BEST2: variants seen among roughly 807,000 people sequenced by gnomAD.
BEST2 encodes bestrophin 2.
Under a neutral mutation model 49.0 loss-of-function variants are expected in BEST2, and 36 were observed. That is an observed-to-expected ratio of 0.73 (90% CI 0.56 to 0.97). The LOEUF (loss-of-function observed/expected upper bound fraction) is 0.97. Ranked by LOEUF, BEST2 falls within the 50% of genes least tolerant of loss-of-function variation. The pLI is 0.00. For missense variants in BEST2, 672 were observed against 710.0 expected, an observed-to-expected ratio of 0.95 and a Z score of 0.61; for synonymous variants, 335 against 304.4, an observed-to-expected ratio of 1.10 and a Z score of -1.05.
intron 8 of BEST2, 77 bp downstream of exon 8, chr19:12,756,012 T>G: frequency 6.3e-7 from 1 of 1,587,840 alleles, no homozygotes. Context: ...GTCCCACCCC[T>G]GCCAAGTCTT....
chr19:12,756,605 A>G (rs1002337576), intron 9 of BEST2: 52 of 336,774 alleles, frequency 1.5e-4, no homozygotes, highest in Non-Finnish European at 5.6e-6. Context: ...GTACTTTGGG[A>G]GGCTGAGGCA....
intron 9 of BEST2, among the ~76,000 whole-genome samples, 198 bp from the exon 10 acceptor site, chr19:12,757,453 G>A (rs867644707): frequency 1.3e-5 from 2 of 152,170 alleles, no homozygotes; most frequent in Non-Finnish European, 2.9e-5. Flanking sequence ...AGGAAATGGG[G>A]CTGAGCCACG....
intron 1 of BEST2, 44 bp from the exon 2 acceptor site, chr19:12,752,498 C>T (rs907721641): frequency 1.5e-6 from 2 of 1,335,924 alleles, no homozygotes; most frequent in Non-Finnish European, 2.1e-6. Context: ...TGGGTGGAAT[C>T]CCTGTGCTCA....
chr19:12,757,054 A>G (rs1219799016), intron 9 of BEST2, among the ~76,000 whole-genome samples: 1 of 151,622 alleles, frequency 6.6e-6, no homozygotes, highest in Non-Finnish European at 1.5e-5. Context: ...GAGGCAGGAG[A>G]ATCACTTGAA....
rs747106779 is a variant in BEST2 at position 12,757,651 on chromosome 19, G to T, written c.1104G>T (p.Thr368=). The change falls in exon 10 of 10, where the codon ACG becomes ACT. Residue 368 remains threonine, a splice_region_variant and synonymous_variant. Coordinates refer to ENST00000553030, the MANE Select transcript of BEST2 (RefSeq NM_017682.3). ...PSFQGSTFDI[T]LAKEDMQFQR... ...CGCTGGCCCACTGTCGGTCCCGCAG[G>T]CTGGCCAAAGAAGACATGCAGTTCC... is the stretch of plus-strand genomic sequence containing the variant. 4.6e-6 allele frequency: 7 copies of T among 1,535,384 alleles called. No individual in the cohort carries two copies. In the East Asian group the frequency reaches 1.5e-4, roughly 32 times the overall value.
At position 12,754,618 on chromosome 19, in the gene BEST2, C is replaced by A; in HGVS notation, c.314C>A (p.Ala105Glu). ...TACCTATGCATGCCGCTGCCCGACG[C>A]GCTCATGTGCGTGGTGGCGGGCACC... ...SQYLCMPLPD[A>E]LMCVVAGTVH... The change falls in exon 4 of 10, where the codon GCG becomes GAG. Residue 105 changes from alanine (A) to glutamate (E), a missense_variant. Physicochemically the swap from Ala to Glu is moderately radical, Grantham distance 107. Coordinates refer to ENST00000553030, the MANE Select transcript of BEST2 (RefSeq NM_017682.3). 6.4e-7 allele frequency: 1 copy of A among 1,562,672 alleles called. No individual in the cohort carries two copies. The highest frequency in any genetic ancestry group is 8.7e-7 in the Non-Finnish European group (1 of 1,150,726).
chr19:12,752,673 C>T lies in BEST2; in HGVS notation c.81C>T (p.Ser27=), dbSNP rs759295759. 21 of 1,608,232 alleles carry T rather than the reference C, an allele frequency of 1.3e-5. No homozygotes were observed. The highest frequency in any genetic ancestry group is 1.7e-5 in the Non-Finnish European group (20 of 1,178,048). The stretch of plus-strand genomic sequence containing the variant: ...AGCTGCTGCTACTGTGGCGTGGGAG[C>T]ATCTACAAACTCCTGTGGCGAGAGC... ...FSQLLLLWRG[S]IYKLLWRELL... Residue 27 remains serine, a synonymous_variant, in exon 2 of 10, where the codon AGC becomes AGT. Coordinates refer to ENST00000553030, the MANE Select transcript of BEST2 (RefSeq NM_017682.3).
rs761632582 is a variant in BEST2 at position 12,757,903 on chromosome 19, G to A, written c.1356G>A (p.Leu452=). 1.1e-4 allele frequency: 177 copies of A among 1,555,106 alleles called. No homozygotes were observed. Among genetic ancestry groups the A allele is most frequent in the Middle Eastern group, 1.8e-4 (1 of 5,504 alleles). ...AAPECSCGDP[L]LDPGLPEPEA... Reference sequence around the variant, plus strand: ...CGGAGTGCAGCTGCGGGGACCCGCTGCTCGACCCCGGCCTGCCGGAGCCCG... The same window carrying A: ...CGGAGTGCAGCTGCGGGGACCCGCTACTCGACCCCGGCCTGCCGGAGCCCG... Residue 452 remains leucine (L), a synonymous_variant, in exon 10 of 10, where the codon CTG becomes CTA. Coordinates refer to ENST00000553030, the MANE Select transcript of BEST2 (RefSeq NM_017682.3).
chr19:12,757,286 C>G (rs1967956243), intron 9 of BEST2, among the ~76,000 whole-genome samples: 1 of 151,962 alleles, frequency 6.6e-6, no homozygotes, highest in Non-Finnish European at 1.5e-5. Flanking sequence ...GTGGCACGCA[C>G]CTGTAGTCGC....
At chr19:12,757,234 G>C (rs62108399) in intron 9 of BEST2, among the ~76,000 whole-genome samples, 20,900 of 152,184 alleles carry the variant, frequency 0.14, 1,730 homozygotes, top group South Asian at 0.22. Flanking sequence ...CCAACATGGT[G>C]AAACCCCATC....
rs773361477 is a variant in BEST2, at chr19:12,752,647, C to T, written c.55C>T (p.Gln19Ter). The T allele has an allele frequency of 5.0e-6, 8 of 1,612,652 alleles. No individual in the cohort carries two copies. Among genetic ancestry groups the T allele is most frequent in the Admixed American group, 3.3e-5 (2 of 59,982 alleles). ...VANARFGGFSQLLLLWRGSIY... is the reference protein window; with the variant it reads ...VANARFGGFS Reference sequence around the variant, plus strand: ...GAACGCCCGCTTCGGTGGCTTCTCCCAGCTGCTGCTACTGTGGCGTGGGAG... The same window carrying T: ...GAACGCCCGCTTCGGTGGCTTCTCCTAGCTGCTGCTACTGTGGCGTGGGAG... The change falls in exon 2 of 10, where the codon CAG (glutamine) becomes TAG (stop). Residue 19 changes from glutamine to a stop codon, truncating the protein, a stop_gained. Coordinates refer to ENST00000553030, the MANE Select transcript of BEST2 (RefSeq NM_017682.3). LOFTEE classifies it high-confidence loss of function.
Position 12,754,536 on chromosome 19 carries a change from C to T in BEST2, c.248-16C>T. 1.4e-6 allele frequency: 2 copies of T among 1,476,054 alleles called. No individual in the cohort carries two copies. The highest frequency in any genetic ancestry group is 2.5e-5 in the East Asian group (1 of 39,404). The allele number at this position is 1,476,054 out of a possible 1,614,324, so 91.4% of individuals were successfully genotyped here. On this transcript the variant is annotated splice_polypyrimidine_tract_variant and intron_variant, in intron 3 of 9. Transcript: ENST00000553030. ...CTGGTGTCCCCACTGAGCCCCCATT[C>T]CCCGCTCCCCTGCAGGCTTTTATGT...
intron 9 of BEST2, among the ~76,000 whole-genome samples, chr19:12,757,295 G>A (rs573743873): frequency 1.3e-4 from 19 of 149,996 alleles, no homozygotes; most frequent in Non-Finnish European, 2.5e-4. Context: ...ACCTGTAGTC[G>A]CAGGTACTCA....
chr19:12,754,047 A>G (rs954890497), intron 3 of BEST2, among the ~76,000 whole-genome samples: 18 of 145,698 alleles, frequency 1.2e-4, no homozygotes, highest in Admixed American at 1.2e-3. Context: ...CCAGTGACCC[A>G]AAGGGCTGCT....
rs1967912264 is a variant in BEST2 at position 12,754,546 on chromosome 19, C to T, written c.248-6C>T. 1 of 1,500,072 alleles carries T rather than the reference C, an allele frequency of 6.7e-7. No homozygotes were observed. Among genetic ancestry groups the T allele is most frequent in the Admixed American group, 2.2e-5 (1 of 46,348 alleles). 92.9% of individuals were successfully genotyped at this position (1,500,072 alleles called of 1,614,324 possible). On this transcript the variant is annotated splice_region_variant and splice_polypyrimidine_tract_variant and intron_variant, in intron 3 of 9. Transcript: ENST00000553030. ...CACTGAGCCCCCATTCCCCGCTCCCCTGCAGGCTTTTATGTGACGCTGGTG... is the reference window on the plus strand; with the variant it reads ...CACTGAGCCCCCATTCCCCGCTCCCTTGCAGGCTTTTATGTGACGCTGGTG...
In BEST2 at chr19:12,754,693, G is replaced by A. The variant is rs1357769318; in HGVS notation, c.389G>A (p.Arg130His). 2 of 1,583,670 alleles carry A rather than the reference G, an allele frequency of 1.3e-6. No homozygotes were observed. Among genetic ancestry groups the A allele is most frequent in the East Asian group, 2.3e-5 (1 of 43,370 alleles). The stretch of plus-strand genomic sequence containing the variant: ...CGCCTCTACCGGCGCACACTCATGC[G>A]CTACGCAGGGCTCTCGGCCGTGCTC... Reference protein sequence around the residue: ...RGRLYRRTLMRYAGLSAVLIL... With the variant: ...RGRLYRRTLMHYAGLSAVLIL... The change falls in exon 4 of 10, where the codon CGC becomes CAC. Residue 130 changes from arginine (R) to histidine (H), a missense_variant. Transcript: ENST00000553030.
At chr19:12,752,870 A>ACTCCATCTCAGT in intron 2 of BEST2, 126 bp downstream of exon 2, 5 of 749,600 alleles carry the variant, frequency 6.7e-6, no homozygotes, top group African/African-American at 1.9e-5. Flanking sequence ...TTAAACTGAG[A>ACTCCATCTCAGT]TGGAGTCTCA....
rs1218472466 is a variant in BEST2 at position 12,757,817 on chromosome 19, G to C, written c.1270G>C (p.Val424Leu). The C allele has an allele frequency of 6.5e-7, 1 of 1,549,004 alleles. No homozygotes were observed. The highest frequency in any genetic ancestry group is 8.7e-7 in the Non-Finnish European group (1 of 1,146,622). ...CTTTCTACTCCGCAAGAACAGCTGC[G>C]TGTCGGAGGCGTCTACTGGGGCCAG... ...LSFLLRKNSCVSEASTGASCS... is the reference protein window; with the variant it reads ...LSFLLRKNSCLSEASTGASCS... Residue 424 changes from valine (V) to leucine (L), a missense_variant, in exon 10 of 10, where the codon GTG becomes CTG. Val to Leu is a conservative substitution (Grantham distance 32). Coordinates refer to ENST00000553030, the MANE Select transcript of BEST2 (RefSeq NM_017682.3).
chr19:12,755,411 G>C lies in BEST2; in HGVS notation c.669G>C (p.Met223Ile). ...ATGTTTTTCGGGGCAAATGTGGAAT[G>C]CTCTTTCACTATGACTGGATTAGCG... is the stretch of plus-strand genomic sequence containing the variant. Reference protein sequence around the residue: ...ELNVFRGKCGMLFHYDWISVP... With the variant: ...ELNVFRGKCGILFHYDWISVP... The change falls in exon 6 of 10, where the codon ATG becomes ATC. Residue 223 changes from methionine to isoleucine, a missense_variant. Physicochemically the swap from Met to Ile is conservative, Grantham distance 10. This residue lies in a region of BEST2 where 365 missense variants were observed against 390.9 expected (regional missense o/e 0.93). Transcript: ENST00000553030. The surrounding 1 kb of genome is among the most constrained non-coding windows in gnomAD (Gnocchi z 4.4). 6.2e-7 allele frequency: 1 copy of C among 1,614,168 alleles called. No homozygotes were observed. The highest frequency in any genetic ancestry group is 1.1e-5 in the South Asian group (1 of 91,090).
Sources: gnomAD v4.1 joint callset for allele counts (sites outside exome capture counted in the v4.1 genomes callset) on GRCh38, gnomAD v4.1.1 for gene constraint, gnomAD v4.1.1 regional missense constraint, Gnocchi (gnomAD v3.1) non-coding constraint, MANE v1.5 for transcripts, NCBI Gene and HGNC (gene_info 2026-07-23, HGNC 2026-07-21) for gene names.